The following TBC1D14 variants were observed in gnomAD, a reference collection of about 807,000 sequenced individuals.
TBC1D14 encodes the protein TBC1 domain family member 14, also known as TBC1 domain family, member 14.
A neutral mutation model predicts 79.0 loss-of-function variants in TBC1D14; 26 were observed. The observed-to-expected ratio is 0.33, with a 90% CI of 0.24 to 0.46. TBC1D14 has a LOEUF of 0.46. Among genes scored for constraint, TBC1D14 ranks in the 20% least tolerant of loss-of-function variants. The pLI is 1.00. For missense variants in TBC1D14, 769 were observed against 887.6 expected, an observed-to-expected ratio of 0.87 and a Z score of 1.70; for synonymous variants, 394 against 349.9, an observed-to-expected ratio of 1.13 and a Z score of -1.40.
chr4:6,928,039 A>G (rs1458949984), intron 2 of TBC1D14, among the ~76,000 whole-genome samples: 1 of 151,998 alleles, frequency 6.6e-6, no homozygotes, highest in Non-Finnish European at 1.5e-5. Flanking sequence ...TTGTGAAGCC[A>G]GGGGTTTAAT....
At chr4:6,921,059 C>T (rs1001334500) in intron 1 of TBC1D14, among the ~76,000 whole-genome samples, 1 of 152,196 alleles carries the variant, frequency 6.6e-6, no homozygotes, top group Non-Finnish European at 1.5e-5. Context: ...GGATTACAGG[C>T]GTGAGCCACT....
chr4:6,996,372 A>C lies in TBC1D14; in HGVS notation c.1010A>C (p.Gln337Pro). The C allele has an allele frequency of 6.2e-7, 1 of 1,613,922 alleles. No individual in the cohort carries two copies. The highest frequency in any genetic ancestry group is 8.5e-7 in the Non-Finnish European group (1 of 1,179,858). ...GAAGAAGCTCAGAAGCACAGACAGCAGTATGAAGAAATGGTGGTTCAGGCC... is the reference window on the plus strand; with the variant it reads ...GAAGAAGCTCAGAAGCACAGACAGCCGTATGAAGAAATGGTGGTTCAGGCC... Reference protein sequence around the residue: ...PAEEAQKHRQQYEEMVVQAKK... With the variant: ...PAEEAQKHRQPYEEMVVQAKK... Residue 337 changes from glutamine to proline, a missense_variant, in exon 5 of 14, where the codon CAG (glutamine) becomes CCG (proline). By Grantham distance (76) the Gln-to-Pro change is moderately conservative. Transcript: ENST00000409757.
intron 13 of TBC1D14, among the ~76,000 whole-genome samples, chr4:7,029,788 C>G (rs920474031): frequency 3.3e-5 from 5 of 152,102 alleles, no homozygotes; most frequent in Admixed American, 1.3e-4. Context: ...TGGCGCCACT[C>G]CACTCCAGCC....
intron 3 of TBC1D14, among the ~76,000 whole-genome samples, chr4:6,986,327 G>A (rs1717816369): frequency 1.3e-5 from 2 of 152,332 alleles, no homozygotes; most frequent in South Asian, 4.1e-4. Context: ...CTCTCTGGTC[G>A]TATTTCTCTT....
At chr4:7,011,213 G>T (rs1243153670) in intron 11 of TBC1D14, among the ~76,000 whole-genome samples, 1 of 152,084 alleles carries the variant, frequency 6.6e-6, no homozygotes, top group Admixed American at 6.6e-5. Context: ...GCCCACACCC[G>T]GGAGAAAGGA....
chr4:6,933,264 CTCCCT>C (rs1196712670), intron 2 of TBC1D14, among the ~76,000 whole-genome samples: 2 of 15,820 alleles, frequency 1.3e-4, no homozygotes, highest in Non-Finnish European at 1.3e-4. Context: ...CTCCCCTCCC[CTCCCT>C]TCCCCTCCCC....
intron 12 of TBC1D14, among the ~76,000 whole-genome samples, chr4:7,018,345 G>A (rs1238686380): frequency 6.6e-6 from 1 of 152,170 alleles, no homozygotes; most frequent in Non-Finnish European, 1.5e-5. Flanking sequence ...TGGGTGGGCT[G>A]TGTGGGTAGC....
chr4:6,960,090 T>A (rs1577087610), intron 2 of TBC1D14, among the ~76,000 whole-genome samples: 1 of 150,738 alleles, frequency 6.6e-6, no homozygotes, highest in East Asian at 2.0e-4. Context: ...CCTTTTTTTT[T>A]TTTTTTTTTG....
intron 10 of TBC1D14, among the ~76,000 whole-genome samples, chr4:7,010,212 T>G (rs1720612063): frequency 6.6e-6 from 1 of 152,194 alleles, no homozygotes; most frequent in African/African-American, 2.4e-5. Flanking sequence ...CAACATTAAA[T>G]CAAAGAAACC....
At chr4:6,999,002 G>C in intron 5 of TBC1D14, 83 bp from the exon 6 acceptor site, 1 of 1,369,578 alleles carries the variant, frequency 7.3e-7, no homozygotes, top group Admixed American at 1.8e-5. Context: ...TGGTGTGTTC[G>C]CAGTGTGACA....
Position 6,915,152 on chromosome 4 carries a change from T to C in TBC1D14, c.-18+5201T>C, listed in dbSNP as rs530885336. ...TTGCCCAGTGGGTTCTCCTTGGCAT[T>C]AGAGGCTCGACTGGGCTGTTTCTCT... is the stretch of plus-strand genomic sequence containing the variant. On this transcript the variant is annotated intron_variant, in intron 1 of 13. Coordinates refer to ENST00000409757, the MANE Select transcript of TBC1D14 (RefSeq NM_020773.3). Among the ~76,000 whole-genome samples the C allele has an allele frequency of 2.0e-5, 3 of 152,286 alleles. No homozygotes were observed. The South Asian group carries it at 6.2e-4, about 32-fold the overall frequency.
At chr4:7,023,665 T>C (rs906169489) in intron 12 of TBC1D14, among the ~76,000 whole-genome samples, 2 of 152,184 alleles carry the variant, frequency 1.3e-5, no homozygotes, top group African/African-American at 4.8e-5. Context: ...AGCGTGGGCG[T>C]TGGAGTCAGG....
At chr4:6,928,268 A>G (rs1208538962) in intron 2 of TBC1D14, among the ~76,000 whole-genome samples, 1 of 152,156 alleles carries the variant, frequency 6.6e-6, no homozygotes, top group Non-Finnish European at 1.5e-5. Flanking sequence ...GGCTGTGTTT[A>G]AAGAACTGGA....
At chr4:7,000,954 C>T (rs762703733) in intron 6 of TBC1D14, among the ~76,000 whole-genome samples, 191 bp from the exon 7 acceptor site, 12 of 152,188 alleles carry the variant, frequency 7.9e-5, no homozygotes, top group African/African-American at 1.7e-4. Flanking sequence ...ATACCTGCCA[C>T]GGCAGCTGCC....
chr4:7,003,899 G>T (rs1205244129), intron 7 of TBC1D14, among the ~76,000 whole-genome samples: 1 of 151,464 alleles, frequency 6.6e-6, no homozygotes, highest in Admixed American at 6.6e-5. Flanking sequence ...ACCTATTCAG[G>T]AGGCTGAGGC....
chr4:6,960,115 TCTGTCACCCAGG>T (rs1423361590), intron 2 of TBC1D14, among the ~76,000 whole-genome samples: 1 of 137,838 alleles, frequency 7.3e-6, no homozygotes, highest in Non-Finnish European at 1.5e-5. Flanking sequence ...AGAGTCTGGC[TCTGTCACCCAGG>T]CTGGAGTGCA....
intron 2 of TBC1D14, among the ~76,000 whole-genome samples, chr4:6,949,199 T>C (rs181512178): frequency 1.5e-4 from 23 of 152,150 alleles, no homozygotes; most frequent in African/African-American, 5.5e-4. Context: ...GCGCAGCGGC[T>C]CACGCCTGTA....
intron 13 of TBC1D14, among the ~76,000 whole-genome samples, chr4:7,027,206 A>G (rs560977091): frequency 3.3e-5 from 5 of 152,034 alleles, no homozygotes; most frequent in East Asian, 1.9e-4. Context: ...GTGAGACTCC[A>G]TCTCAAAAAA....
chr4:6,923,742 C>T lies in TBC1D14; in HGVS notation c.353C>T (p.Thr118Ile), dbSNP rs1313342554. The change falls in exon 2 of 14, where the codon ACC becomes ATC. Residue 118 changes from threonine (T) to isoleucine (I), a missense_variant. Physicochemically the swap from Thr to Ile is moderately conservative, Grantham distance 89. This residue lies in a region of TBC1D14 where 402 missense variants were observed against 393.2 expected (regional missense o/e 1.02). Coordinates refer to ENST00000409757, the MANE Select transcript of TBC1D14 (RefSeq NM_020773.3). ...PSCAPPAPSSTEREQSVRKSS... is the reference protein window; with the variant it reads ...PSCAPPAPSSIEREQSVRKSS... Reference sequence around the variant, plus strand: ...TGTGCGCCACCAGCTCCTAGCAGCACCGAGCGGGAACAGAGCGTGCGCAAA... The same window carrying T: ...TGTGCGCCACCAGCTCCTAGCAGCATCGAGCGGGAACAGAGCGTGCGCAAA... The T allele has an allele frequency of 6.2e-7, 1 of 1,614,016 alleles. No homozygotes were observed. The highest frequency in any genetic ancestry group is 8.5e-7 in the Non-Finnish European group (1 of 1,180,052).
Sources: allele counts gnomAD v4.1 joint callset (sites outside exome capture counted in the v4.1 genomes callset), GRCh38; gene constraint gnomAD v4.1.1; regional missense constraint gnomAD v4.1.1; transcripts MANE v1.5; gene names NCBI Gene and HGNC (gene_info 2026-07-23, HGNC 2026-07-21).